Variants in GPC5 observed in about 807,000 individuals in gnomAD.
GPC5 encodes glypican 5, also known as glypican-5.
In GPC5, 47 loss-of-function variants were observed where a neutral mutation model predicts 53.9. The ratio of observed to expected loss-of-function variants is 0.87; its 90% CI spans 0.69 to 1.11. The LOEUF (loss-of-function observed/expected upper bound fraction) is 1.11, where lower values mean the gene tolerates loss of function less well. Ranked by LOEUF, GPC5 falls within the 50% of genes most tolerant of loss-of-function variation. The probability of loss-of-function intolerance (pLI) is 0.00; values close to 1 mark genes in which losing one functional copy is unlikely to be tolerated. For missense variants in GPC5, 748 were observed against 713.1 expected (o/e 1.05, Z -0.56); for synonymous variants, 286 against 263.3 (o/e 1.09, Z -0.84).
chr13:92,244,963 G>A (rs149346184), intron 7 of GPC5, among the ~76,000 whole-genome samples: 5 of 151,768 alleles, frequency 3.3e-5, no homozygotes, highest in South Asian at 4.2e-4. Flanking sequence ...GCTTGAACCC[G>A]GGAGGTGGAG....
At position 91,977,955 on chromosome 13, in the gene GPC5, A is replaced by G. The variant is rs568606655; in HGVS notation, c.1401+69898A>G. On this transcript the variant is annotated intron_variant, in intron 6 of 7. Coordinates refer to ENST00000377067, the MANE Select transcript of GPC5 (RefSeq NM_004466.6). Reference sequence around the variant, plus strand: ...AACGAGACCGCCATCTCTAAAAGAAAAAAGAAAGAAAGAAAGAAAGAAAGA... The same window carrying G: ...AACGAGACCGCCATCTCTAAAAGAAGAAAGAAAGAAAGAAAGAAAGAAAGA... Among the ~76,000 whole-genome samples the G allele has an allele frequency of 2.3e-4, 33 of 142,984 alleles. No individual in the cohort carries two copies. The East Asian group carries it at 5.9e-3, about 25-fold the overall frequency. 93.8% of individuals were successfully genotyped at this position (142,984 alleles called of 152,430 possible).
chr13:92,237,325 T>A (rs993568037), intron 7 of GPC5, among the ~76,000 whole-genome samples: 2 of 152,224 alleles, frequency 1.3e-5, no homozygotes, highest in African/African-American at 2.4e-5. Flanking sequence ...GTTCAAGTGA[T>A]CCTCTTGCCT....
intron 2 of GPC5, among the ~76,000 whole-genome samples, chr13:91,572,576 T>G (rs563881608): frequency 4.6e-5 from 7 of 151,800 alleles, no homozygotes; most frequent in Non-Finnish European, 8.8e-5. Flanking sequence ...GCCAGGCTCT[T>G]TAAACAACCA....
chr13:92,326,283 T>C (rs2043250234), intron 7 of GPC5, among the ~76,000 whole-genome samples: 1 of 152,150 alleles, frequency 6.6e-6, no homozygotes, highest in South Asian at 2.1e-4. Context: ...ACTTGTACAA[T>C]AAAAGAAAGT....
intron 1 of GPC5, among the ~76,000 whole-genome samples, chr13:91,441,991 A>G (rs1880470313): frequency 2.0e-5 from 3 of 152,244 alleles, no homozygotes; most frequent in Admixed American, 6.5e-5. Flanking sequence ...CATGTGCTAC[A>G]ATTATAAAAA....
At chr13:92,152,851 C>T (rs1455192476) in intron 7 of GPC5, among the ~76,000 whole-genome samples, 11 of 152,116 alleles carry the variant, frequency 7.2e-5, no homozygotes, top group Admixed American at 7.2e-4. Flanking sequence ...CCTAACCCTC[C>T]ACCGAGTCCA....
At position 91,398,665 on chromosome 13, in the gene GPC5, C is replaced by A. The variant is rs916997786; in HGVS notation, c.-382C>A. 6 of 85,336 alleles carry A rather than the reference C, an allele frequency of 7.0e-5. No homozygotes were observed. The highest frequency in any genetic ancestry group is 1.5e-4 in the African/African-American group (4 of 26,192). The allele number at this position is 85,336 out of a possible 1,614,324, so 5.3% of individuals were successfully genotyped here. On this transcript the variant is annotated 5_prime_UTR_variant, in exon 1 of 8. Coordinates refer to ENST00000377067, the MANE Select transcript of GPC5 (RefSeq NM_004466.6). ...GAGCCGAGCCGGGCGGCGGAGGCGG[C>A]GGCGGCGGCGGCAGTGGCGGCAGTG...
chr13:92,606,550 T>G (rs1054467892), intron 7 of GPC5, among the ~76,000 whole-genome samples: 23 of 152,144 alleles, frequency 1.5e-4, no homozygotes, highest in African/African-American at 5.1e-4. Flanking sequence ...ATAAACATAC[T>G]CTTTTCTTAT....
At chr13:92,752,323 C>T (rs1889425452) in intron 7 of GPC5, among the ~76,000 whole-genome samples, 1 of 152,152 alleles carries the variant, frequency 6.6e-6, no homozygotes, top group Non-Finnish European at 1.5e-5. Context: ...GGACAAAATG[C>T]TCTGGTCCTC....
At chr13:92,678,969 G>A (rs9516120) in intron 7 of GPC5, among the ~76,000 whole-genome samples, 23,533 of 152,078 alleles carry the variant, frequency 0.15, 2,115 homozygotes, top group Non-Finnish European at 0.21. Context: ...TGAGCCAAAC[G>A]TCCCTATTTA....
chr13:91,704,211 C>A (rs1178754719), intron 3 of GPC5, among the ~76,000 whole-genome samples: 1 of 152,074 alleles, frequency 6.6e-6, no homozygotes, highest in Non-Finnish European at 1.5e-5. Context: ...TCTTATGCAA[C>A]ATTTTAAAAC....
At chr13:91,916,679 C>T (rs75570242) in intron 6 of GPC5, among the ~76,000 whole-genome samples, 6,960 of 152,218 alleles carry the variant, frequency 0.046, 231 homozygotes, top group Non-Finnish European at 0.064. Flanking sequence ...AATTGACTCA[C>T]AGTTGTGCAT....
intron 2 of GPC5, among the ~76,000 whole-genome samples, chr13:91,512,161 C>A (rs1346559236): frequency 1.3e-5 from 2 of 152,208 alleles, no homozygotes; most frequent in East Asian, 3.8e-4. Flanking sequence ...CATCGCAACT[C>A]CAGAAATCGC....
At chr13:92,147,531 T>C (rs2041877101) in intron 7 of GPC5, among the ~76,000 whole-genome samples, 1 of 152,034 alleles carries the variant, frequency 6.6e-6, no homozygotes, top group Admixed American at 6.6e-5. Flanking sequence ...GTAGAGGCAG[T>C]GAAGCATATT....
intron 7 of GPC5, among the ~76,000 whole-genome samples, chr13:92,480,968 C>T (rs11839662): frequency 2.8e-4 from 43 of 152,310 alleles, no homozygotes; most frequent in African/African-American, 7.2e-4. Context: ...AGCCAAGGCA[C>T]ATGAGTGCCT....
intron 7 of GPC5, among the ~76,000 whole-genome samples, chr13:92,430,620 G>A (rs565262746): frequency 1.6e-4 from 24 of 152,232 alleles, no homozygotes; most frequent in Non-Finnish European, 2.5e-4. Flanking sequence ...CACGTTACAG[G>A]TAGAGAATCA....
intron 7 of GPC5, among the ~76,000 whole-genome samples, chr13:92,148,375 C>A (rs2138989003): frequency 6.6e-6 from 1 of 152,076 alleles, no homozygotes; most frequent in South Asian, 2.1e-4. Flanking sequence ...TATTTGCGTA[C>A]CTTTTAGGTG....
intron 2 of GPC5, among the ~76,000 whole-genome samples, chr13:91,607,474 G>A (rs961955961): frequency 6.6e-6 from 1 of 152,132 alleles, no homozygotes; most frequent in Non-Finnish European, 1.5e-5. Flanking sequence ...TAACTAGACA[G>A]CCTCCCTTTC....
chr13:92,590,868 G>T (rs905189835), intron 7 of GPC5, among the ~76,000 whole-genome samples: 1 of 152,134 alleles, frequency 6.6e-6, no homozygotes, highest in Non-Finnish European at 1.5e-5. Context: ...ATGAGCTTAT[G>T]GTTCAGTAGG....
Sources: allele counts gnomAD v4.1 joint callset (sites outside exome capture counted in the v4.1 genomes callset), GRCh38; gene constraint gnomAD v4.1.1; transcripts MANE v1.5; gene names NCBI Gene and HGNC (gene_info 2026-07-23, HGNC 2026-07-21).